SIK2: variants seen among roughly 807,000 people sequenced by gnomAD.
SIK2 encodes serine/threonine-protein kinase SIK2.
In SIK2, 29 loss-of-function variants were observed where a neutral mutation model predicts 103.2. The ratio of observed to expected loss-of-function variants is 0.28; its 90% CI spans 0.21 to 0.38. The LOEUF (loss-of-function observed/expected upper bound fraction) is 0.38, where lower values mean the gene tolerates loss of function less well. Among genes scored for constraint, SIK2 ranks in the 10% least tolerant of loss-of-function variants. The probability of loss-of-function intolerance (pLI) is 1.00; values close to 1 mark genes in which losing one functional copy is unlikely to be tolerated. For synonymous variants in SIK2, 412 were observed against 446.1 expected (o/e 0.92, Z 0.96); for missense variants, 879 against 1,171.0 (o/e 0.75, Z 3.64).
At chr11:111,673,834 G>C (rs1286013103) in intron 3 of SIK2, among the ~76,000 whole-genome samples, 4 of 152,146 alleles carry the variant, frequency 2.6e-5, no homozygotes, top group African/African-American at 9.7e-5. Flanking sequence ...TAGCATTTGG[G>C]AGGCCAAGGC....
intron 3 of SIK2, among the ~76,000 whole-genome samples, chr11:111,663,383 A>G (rs1942493162): frequency 6.6e-6 from 1 of 152,142 alleles, no homozygotes; most frequent in Non-Finnish European, 1.5e-5. Flanking sequence ...GAACAGCCAG[A>G]CGAAGGCCTT....
intron 8 of SIK2, among the ~76,000 whole-genome samples, chr11:111,711,096 A>G (rs1000930151): frequency 1.3e-5 from 2 of 152,042 alleles, no homozygotes; most frequent in African/African-American, 4.8e-5. Flanking sequence ...GCCAATTGTC[A>G]TAAGGAAAAA....
chr11:111,701,077 C>A lies in SIK2; in HGVS notation c.603+67C>A. The stretch of plus-strand genomic sequence containing the variant: ...GATAATACTTGGTGTTCTGGCCCAT[C>A]TTAGAAGCTCCTGGTACTTAACACA... On this transcript the variant is annotated intron_variant, in intron 5 of 14. Transcript: ENST00000304987. The surrounding 1 kb of genome is among the most constrained non-coding windows in gnomAD (Gnocchi z 4.2). 6.4e-7 allele frequency: 1 copy of A among 1,559,052 alleles called. No homozygotes were observed. Among genetic ancestry groups the A allele is most frequent in the Non-Finnish European group, 8.7e-7 (1 of 1,148,300 alleles).
At chr11:111,636,330 T>C (rs1006664192) in intron 3 of SIK2, among the ~76,000 whole-genome samples, 6 of 152,246 alleles carry the variant, frequency 3.9e-5, no homozygotes, top group African/African-American at 1.4e-4. Flanking sequence ...TACTCTCATA[T>C]GTGAATAGTC....
rs779512939 is a variant in SIK2 at position 111,705,784 on chromosome 11, C to A, written c.1101+645C>A. On this transcript the variant is annotated intron_variant, in intron 8 of 14. Coordinates refer to ENST00000304987, the MANE Select transcript of SIK2 (RefSeq NM_015191.3). This position sits in a 1 kb window ranked among gnomAD's most constrained non-coding sequence, Gnocchi z 4.3. ...TGCTAAGCTGAAAAATGATAAAATTCTATCGATGCTTTAAGCTAATTAATC... is the reference window on the plus strand; with the variant it reads ...TGCTAAGCTGAAAAATGATAAAATTATATCGATGCTTTAAGCTAATTAATC... Among the ~76,000 whole-genome samples the A allele has an allele frequency of 1.7e-4, 26 of 152,172 alleles. No individual in the cohort carries two copies. The highest frequency in any genetic ancestry group is 3.1e-4 in the Non-Finnish European group (21 of 68,032).
chr11:111,696,613 A>C (rs1472086311), intron 4 of SIK2, among the ~76,000 whole-genome samples: 2 of 152,236 alleles, frequency 1.3e-5, no homozygotes, highest in East Asian at 3.8e-4. Context: ...GCTTTCTAGC[A>C]GGGCTAGGCT....
At chr11:111,683,436 ATTAT>A (rs758358166) in intron 3 of SIK2, 11 of 151,814 alleles carry the variant, frequency 7.2e-5, no homozygotes, top group African/African-American at 2.7e-4. Context: ...TTTTATTTTT[ATTAT>A]TTATTTAATT....
intron 3 of SIK2, among the ~76,000 whole-genome samples, chr11:111,647,196 C>T (rs1460393691): frequency 6.6e-6 from 1 of 152,050 alleles, no homozygotes; most frequent in Admixed American, 6.6e-5. Context: ...ATTTAGATTA[C>T]TTCCAGTTTT....
At position 111,719,863 on chromosome 11, in the gene SIK2, T is replaced by C. The variant is rs754526115; in HGVS notation, c.1355T>C (p.Ile452Thr). 2.7e-5 allele frequency: 44 copies of C among 1,613,890 alleles called. No individual in the cohort carries two copies. The highest frequency in any genetic ancestry group is 3.3e-4 in the Middle Eastern group (2 of 6,084). ...CCCAGCAACATGATGGAGACCTCCA[T>C]TGACGAAGGGCTGGAGACAGAAGGA... ...SLPSNMMETS[I>T]DEGLETEGEA... Residue 452 changes from isoleucine (I) to threonine (T), a missense_variant, in exon 10 of 15, where the codon ATT (isoleucine) becomes ACT (threonine). This residue lies in a region of SIK2 where 222 missense variants were observed against 258.0 expected (regional missense o/e 0.86). Transcript: ENST00000304987.
chr11:111,609,092 T>C (rs924290648), intron 1 of SIK2, among the ~76,000 whole-genome samples: 3 of 148,510 alleles, frequency 2.0e-5, no homozygotes, highest in African/African-American at 7.9e-5. Flanking sequence ...CAGTTTTATA[T>C]GATGATGATT....
chr11:111,724,131 C>G lies in SIK2; in HGVS notation c.*2C>G, dbSNP rs1483726588. The G allele has an allele frequency of 3.4e-5, 54 of 1,605,482 alleles. No individual in the cohort carries two copies. The Admixed American group carries it at 8.8e-4, about 26-fold the overall frequency. On this transcript the variant is annotated 3_prime_UTR_variant, in exon 15 of 15. Coordinates refer to ENST00000304987, the MANE Select transcript of SIK2 (RefSeq NM_015191.3). ...AACGGGTATGTCCTGGTGAATTAGTCTCAGCACAGGAATTGAGGTGGGTCA... is the reference window on the plus strand; with the variant it reads ...AACGGGTATGTCCTGGTGAATTAGTGTCAGCACAGGAATTGAGGTGGGTCA...
At chr11:111,605,242 C>T (rs2135826736) in intron 1 of SIK2, among the ~76,000 whole-genome samples, 1 of 152,272 alleles carries the variant, frequency 6.6e-6, no homozygotes, top group South Asian at 2.1e-4. Context: ...GGATTACAGG[C>T]GTGAGCCACC....
At position 111,705,215 on chromosome 11, in the gene SIK2, A is replaced by G; in HGVS notation, c.1101+76A>G. ...GTTTGATACATTTTTCATCTTATAC[A>G]CAGGGTTAGGATTTCATCCTCTACA... On this transcript the variant is annotated intron_variant, in intron 8 of 14. Transcript: ENST00000304987. The surrounding 1 kb of genome is among the most constrained non-coding windows in gnomAD (Gnocchi z 4.3). 5 of 1,404,502 alleles carry G rather than the reference A, an allele frequency of 3.6e-6. No homozygotes were observed. In the East Asian group the frequency reaches 1.1e-4, roughly 31 times the overall value. The allele number at this position is 1,404,502 out of a possible 1,614,324, so 87.0% of individuals were successfully genotyped here. A position where few individuals can be genotyped will look rare whatever the true frequency, so the allele number is the denominator to read the frequency against.
chr11:111,660,658 C>T (rs1299782822), intron 3 of SIK2, among the ~76,000 whole-genome samples: 3 of 152,136 alleles, frequency 2.0e-5, no homozygotes, highest in African/African-American at 7.2e-5. Context: ...AACACTGCTT[C>T]AATTTTGTCA....
chr11:111,676,205 T>G (rs1199348374), intron 3 of SIK2, among the ~76,000 whole-genome samples: 3 of 152,230 alleles, frequency 2.0e-5, no homozygotes, highest in Non-Finnish European at 4.4e-5. Flanking sequence ...CTATTGTGAT[T>G]AGTGTGTAAT....
chr11:111,683,459 T>G (rs1190369957), intron 3 of SIK2: 4 of 152,094 alleles, frequency 2.6e-5, no homozygotes, highest in Admixed American at 2.6e-4. Flanking sequence ...TTTATTTATT[T>G]ATTTATTTTT....
chr11:111,715,178 G>A (rs1052916814), intron 9 of SIK2, among the ~76,000 whole-genome samples: 3 of 152,224 alleles, frequency 2.0e-5, no homozygotes, highest in Non-Finnish European at 4.4e-5. Context: ...CACTGGCAAT[G>A]CCATGCTGGC....
intron 3 of SIK2, among the ~76,000 whole-genome samples, chr11:111,640,339 A>G (rs927153765): frequency 1.3e-5 from 2 of 152,242 alleles, no homozygotes; most frequent in African/African-American, 2.4e-5. Context: ...CCAGTCTGCT[A>G]TCTTGAAACA....
At position 111,602,779 on chromosome 11, in the gene SIK2, GT is replaced by G. The variant is rs1941600926; in HGVS notation, c.135+82del. The G allele has an allele frequency of 7.1e-7, 1 of 1,416,990 alleles. No homozygotes were observed. The highest frequency in any genetic ancestry group is 1.5e-5 in the African/African-American group (1 of 66,676). 87.8% of individuals were successfully genotyped at this position (1,416,990 alleles called of 1,614,324 possible). A position where few individuals can be genotyped will look rare whatever the true frequency, so the allele number is the denominator to read the frequency against. ...CTTACCGAGAGGGGCGGCCGCAGTG[GT>G]GGGACCGGGGAGACCCGAGAGGCCG... On this transcript the variant is annotated intron_variant, in intron 1 of 14. Transcript: ENST00000304987. This position sits in a 1 kb window ranked among gnomAD's most constrained non-coding sequence, Gnocchi z 4.5.
Sources: gnomAD v4.1 joint callset for allele counts (sites outside exome capture counted in the v4.1 genomes callset) on GRCh38, gnomAD v4.1.1 for gene constraint, gnomAD v4.1.1 regional missense constraint, Gnocchi (gnomAD v3.1) non-coding constraint, MANE v1.5 for transcripts, NCBI Gene and HGNC (gene_info 2026-07-23, HGNC 2026-07-21) for gene names.